AKAP8L: variants seen among roughly 807,000 people sequenced by gnomAD.
AKAP8L encodes the protein A-kinase anchor protein 8-like.
In AKAP8L, 34 loss-of-function variants were observed where a neutral mutation model predicts 77.5. The observed-to-expected ratio is 0.44, with a 90% confidence interval of 0.33 to 0.58. The LOEUF (loss-of-function observed/expected upper bound fraction) is 0.58, where lower values mean the gene tolerates loss of function less well. Ranked by LOEUF, AKAP8L falls within the 20% of genes least tolerant of loss-of-function variation. The pLI is 0.02. For missense variants in AKAP8L, 806 were observed against 887.6 expected, an observed-to-expected ratio of 0.91 and a Z score of 1.17; for synonymous variants, 342 against 340.7, an observed-to-expected ratio of 1.00 and a Z score of -0.04.
At position 15,401,582 on chromosome 19, in the gene AKAP8L, G is replaced by T; in HGVS notation, c.384C>A (p.Cys128Ter). Reference protein sequence around the residue: ...GGERYDSYESCDSRAVLSERD... With the variant: ...GGERYDSYES Reference sequence around the variant, plus strand: ...GCTCACTCAGGACGGCCCTCGAGTCGCAGGACTCATAAGAGTCATACCTGC... The same window carrying T: ...GCTCACTCAGGACGGCCCTCGAGTCTCAGGACTCATAAGAGTCATACCTGC... Residue 128 changes from cysteine to a stop codon, truncating the protein, a stop_gained, in exon 5 of 14, where the codon TGC becomes TGA. Coordinates refer to ENST00000397410, the MANE Select transcript of AKAP8L (RefSeq NM_014371.4). LOFTEE classifies it high-confidence loss of function. This position sits in a 1 kb window ranked among gnomAD's most constrained non-coding sequence, Gnocchi z 6.2. The T allele has an allele frequency of 1.2e-6, 2 of 1,603,762 alleles. No individual in the cohort carries two copies.
Position 15,399,114 on chromosome 19 carries a change from A to T in AKAP8L, c.1157+188T>A. The stretch of plus-strand genomic sequence containing the variant: ...ACGCCAGCGGTCGCCAGGCGGCCGC[A>T]GAGGGGCAGGGGATGAGTCAGGCCT... On this transcript the variant is annotated intron_variant, in intron 9 of 13. Coordinates refer to ENST00000397410, the MANE Select transcript of AKAP8L (RefSeq NM_014371.4). This position sits in a 1 kb window ranked among gnomAD's most constrained non-coding sequence, Gnocchi z 6.1. 1 of 609,128 alleles carries T rather than the reference A, an allele frequency of 1.6e-6. No homozygotes were observed. The highest frequency in any genetic ancestry group is 2.9e-6 in the Non-Finnish European group (1 of 347,790). 37.7% of individuals were successfully genotyped at this position (609,128 alleles called of 1,614,324 possible).
Position 15,403,366 on chromosome 19 carries a change from C to A in AKAP8L, c.362+109G>T, listed in dbSNP as rs922702649. ...TGCTGGGAGCCACAGCAGCACCAAG[C>A]AGCGGGGAGGAAGCAGACACAGAGG... On this transcript the variant is annotated intron_variant, in intron 4 of 13. Coordinates refer to ENST00000397410, the MANE Select transcript of AKAP8L (RefSeq NM_014371.4). This position sits in a 1 kb window ranked among gnomAD's most constrained non-coding sequence, Gnocchi z 4.3. The A allele has an allele frequency of 5.7e-6, 6 of 1,058,182 alleles. No homozygotes were observed. The highest frequency in any genetic ancestry group is 8.6e-6 in the Non-Finnish European group (6 of 699,076). 65.5% of individuals were successfully genotyped at this position (1,058,182 alleles called of 1,614,324 possible).
rs532658496 is a variant in AKAP8L at position 15,407,441 on chromosome 19, T to A, written c.88+3079A>T. Among the ~76,000 whole-genome samples the A allele has an allele frequency of 3.3e-5, 5 of 152,286 alleles. No individual in the cohort carries two copies. In the East Asian group the frequency reaches 9.6e-4, roughly 29 times the overall value. On this transcript the variant is annotated intron_variant, in intron 2 of 13. Coordinates refer to ENST00000397410, the MANE Select transcript of AKAP8L (RefSeq NM_014371.4). ...AATTCAAGCCAGAAGGAAAAATAAA[T>A]CCATCTCTATTCTTTCACAATTGTG...
In AKAP8L at chr19:15,401,016, C is replaced by T. The variant is rs779284681; in HGVS notation, c.844G>A (p.Gly282Ser). 29 of 1,613,656 alleles carry T rather than the reference C, an allele frequency of 1.8e-5. No individual in the cohort carries two copies. The highest frequency in any genetic ancestry group is 3.3e-5 in the Admixed American group (2 of 59,996). ...TTGCTATCTGGCTCATCAGGACTGC[C>T]GCCCTGCTTTCTCTTCTTCTTCTTG... is the stretch of plus-strand genomic sequence containing the variant. ...RTKKKKRKQG[G>S]SPDEPDSKAT... is the part of the protein sequence containing the mutation. The change falls in exon 6 of 14, where the codon GGC (glycine) becomes AGC (serine). Residue 282 changes from glycine to serine, a missense_variant. Transcript: ENST00000397410. The surrounding 1 kb of genome is among the most constrained non-coding windows in gnomAD (Gnocchi z 6.2).
rs578157149 is a variant in AKAP8L, at chr19:15,403,434, G to A, written c.362+41C>T. On this transcript the variant is annotated intron_variant, in intron 4 of 13. Transcript: ENST00000397410. The surrounding 1 kb of genome is among the most constrained non-coding windows in gnomAD (Gnocchi z 4.3). ...ACGCAGTGGGCAGCAGGCAGGAGCCGCCCCTGCAGAGTCTCAACCCCTAGG... is the reference window on the plus strand; with the variant it reads ...ACGCAGTGGGCAGCAGGCAGGAGCCACCCCTGCAGAGTCTCAACCCCTAGG... 101 of 1,591,948 alleles carry A rather than the reference G, an allele frequency of 6.3e-5. No individual in the cohort carries two copies. The South Asian group carries it at 7.2e-4, about 11-fold the overall frequency.
intron 2 of AKAP8L, among the ~76,000 whole-genome samples, chr19:15,405,784 T>C (rs1361629166): frequency 3.4e-4 from 51 of 151,928 alleles, no homozygotes; most frequent in Admixed American, 3.3e-3. Flanking sequence ...TAGCCAGGTG[T>C]GGTGGTGCGC....
chr19:15,405,698 T>G (rs990660343), intron 2 of AKAP8L, among the ~76,000 whole-genome samples: 3 of 150,002 alleles, frequency 2.0e-5, no homozygotes, highest in African/African-American at 7.4e-5. Context: ...CCAAGGTGGG[T>G]GGATTACGAG....
intron 1 of AKAP8L, among the ~76,000 whole-genome samples, chr19:15,417,471 T>C (rs1372279101): frequency 1.3e-5 from 2 of 151,902 alleles, no homozygotes; most frequent in Non-Finnish European, 2.9e-5. Context: ...ATCCCAAACC[T>C]CCATCCACTA....
intron 1 of AKAP8L, 57 bp from the exon 2 acceptor site, chr19:15,410,651 G>T: frequency 7.2e-7 from 1 of 1,388,456 alleles, no homozygotes; most frequent in African/African-American, 1.4e-5. Flanking sequence ...GAAATGACCT[G>T]AGACTACCTA....
At chr19:15,390,651 T>G (rs1967641813) in intron 12 of AKAP8L, among the ~76,000 whole-genome samples, 1 of 152,174 alleles carries the variant, frequency 6.6e-6, no homozygotes, top group African/African-American at 2.4e-5. Flanking sequence ...TTATCTTTTA[T>G]GAATATAGAT....
In AKAP8L at chr19:15,398,591, G is replaced by A; in HGVS notation, c.1157+711C>T. 1 of 986,038 alleles carries A rather than the reference G, an allele frequency of 1.0e-6. No individual in the cohort carries two copies. Among genetic ancestry groups the A allele is most frequent in the Non-Finnish European group, 1.2e-6 (1 of 830,546 alleles). 61.1% of individuals were successfully genotyped at this position (986,038 alleles called of 1,614,324 possible). A position where few individuals can be genotyped will look rare whatever the true frequency, so the allele number is the denominator to read the frequency against. On this transcript the variant is annotated intron_variant, in intron 9 of 13. Coordinates refer to ENST00000397410, the MANE Select transcript of AKAP8L (RefSeq NM_014371.4). The surrounding 1 kb of genome is among the most constrained non-coding windows in gnomAD (Gnocchi z 9.2). ...CAGGCCGCCGTGGCAAGGGGCGGAG[G>A]AGGCCAGCCGCCACCGAGACCTCGG...
rs1015216505 is a variant in AKAP8L at position 15,399,525 on chromosome 19, G to C, written c.1049-115C>G. ...TCCAGAGGGTCCATCGAGAATAGCT[G>C]TCCAAGCAAGGCCTCTGGCCATGAG... On this transcript the variant is annotated intron_variant, in intron 8 of 13. Coordinates refer to ENST00000397410, the MANE Select transcript of AKAP8L (RefSeq NM_014371.4). The surrounding 1 kb of genome is among the most constrained non-coding windows in gnomAD (Gnocchi z 6.1). 14 of 779,272 alleles carry C rather than the reference G, an allele frequency of 1.8e-5. No homozygotes were observed. In the East Asian group the frequency reaches 3.6e-4, roughly 20 times the overall value. 48.3% of individuals were successfully genotyped at this position (779,272 alleles called of 1,614,324 possible).
intron 12 of AKAP8L, among the ~76,000 whole-genome samples, chr19:15,394,512 C>T (rs565550629): frequency 2.6e-5 from 4 of 151,810 alleles, no homozygotes; most frequent in African/African-American, 9.7e-5. Context: ...TCTGTGAATA[C>T]GTGAAAAACC....
chr19:15,388,339 C>T (rs1157960413), intron 12 of AKAP8L, among the ~76,000 whole-genome samples: 2 of 73,426 alleles, frequency 2.7e-5, no homozygotes, highest in African/African-American at 1.2e-4. Flanking sequence ...AATTATGAGA[C>T]ATCCAAAGGA....
rs145423978 is a variant in AKAP8L at position 15,407,609 on chromosome 19, T to C, written c.88+2911A>G. Among the ~76,000 whole-genome samples, 368 of 152,354 alleles carry C rather than the reference T, an allele frequency of 2.4e-3. 7 individuals are homozygous for C. Among genetic ancestry groups the C allele is most frequent in the Admixed American group, 0.02 (313 of 15,304 alleles). On this transcript the variant is annotated intron_variant, in intron 2 of 13. Coordinates refer to ENST00000397410, the MANE Select transcript of AKAP8L (RefSeq NM_014371.4). ...AAATCAAATAGCAATCAAATTTCTA[T>C]ATATCAGCAATGAATGGAAAGTTTT...
At chr19:15,410,026 T>C (rs539474977) in intron 2 of AKAP8L, among the ~76,000 whole-genome samples, 1 of 152,132 alleles carries the variant, frequency 6.6e-6, no homozygotes, top group African/African-American at 2.4e-5. Flanking sequence ...CACTGTAACC[T>C]CTGCCTCCCG....
Position 15,397,415 on chromosome 19 carries a change from C to G in AKAP8L, c.1405+105G>C. On this transcript the variant is annotated intron_variant, in intron 11 of 13. Coordinates refer to ENST00000397410, the MANE Select transcript of AKAP8L (RefSeq NM_014371.4). The surrounding 1 kb of genome is among the most constrained non-coding windows in gnomAD (Gnocchi z 4.7). ...CCTGGGCCTGAGCCAAGGCTGGTCT[C>G]CTGACCTTCCCTGGGGGAACAGAAG... is the stretch of plus-strand genomic sequence containing the variant. 6.8e-7 allele frequency: 1 copy of G among 1,478,692 alleles called. No homozygotes were observed. The highest frequency in any genetic ancestry group is 2.2e-4 in the Middle Eastern group (1 of 4,458). The allele number at this position is 1,478,692 out of a possible 1,614,324, so 91.6% of individuals were successfully genotyped here.
At chr19:15,382,642 T>C (rs1967443422) in intron 12 of AKAP8L, among the ~76,000 whole-genome samples, 1 of 152,236 alleles carries the variant, frequency 6.6e-6, no homozygotes, top group Non-Finnish European at 1.5e-5. Flanking sequence ...AATGCTTCAA[T>C]GAGCATTTAC....
chr19:15,405,563 C>T (rs1967979981), intron 2 of AKAP8L, among the ~76,000 whole-genome samples: 1 of 151,956 alleles, frequency 6.6e-6, no homozygotes, highest in Admixed American at 6.6e-5. Flanking sequence ...CACAGGTAGC[C>T]CAGGCAGCTA....
Sources: allele counts gnomAD v4.1 joint callset (sites outside exome capture counted in the v4.1 genomes callset), GRCh38; gene constraint gnomAD v4.1.1; non-coding constraint Gnocchi (gnomAD v3.1); transcripts MANE v1.5; gene names NCBI Gene and HGNC (gene_info 2026-07-23, HGNC 2026-07-21).